Variants in TRPV2 observed in about 807,000 individuals in gnomAD.
The protein encoded by TRPV2 is transient receptor potential cation channel subfamily V member 2.
Under a neutral mutation model 91.0 loss-of-function variants are expected in TRPV2, and 58 were observed. That is an observed-to-expected ratio of 0.64 (90% confidence interval 0.52 to 0.79). TRPV2 has a LOEUF of 0.79. Among genes scored for constraint, TRPV2 ranks in the 30% least tolerant of loss-of-function variants. The probability of loss-of-function intolerance (pLI) is 0.00; values close to 1 mark genes in which losing one functional copy is unlikely to be tolerated. For synonymous variants in TRPV2, 417 were observed against 414.8 expected (o/e 1.01, Z -0.06); for missense variants, 807 against 969.6 (o/e 0.83, Z 2.23).
At position 16,430,487 on chromosome 17, in the gene TRPV2, C is replaced by CTTTTTTTTTTTTTTT. The variant is rs576176898; in HGVS notation, c.1588-1295_1588-1281dup. On this transcript the variant is annotated intron_variant, in intron 10 of 14. Coordinates refer to ENST00000338560, the MANE Select transcript of TRPV2 (RefSeq NM_016113.5). ...TGTAGCATGTGTCAGAAATGCCTTC[C>CTTTTTTTTTTTTTTT]TTTTTTTTTTTTTTTTGAGATGGAG... Among the ~76,000 whole-genome samples, 3 of 80,480 alleles carry CTTTTTTTTTTTTTTT rather than the reference C, an allele frequency of 3.7e-5. 1 individual carries two copies. 52.8% of individuals were successfully genotyped at this position (80,480 alleles called of 152,430 possible). A position where few individuals can be genotyped will look rare whatever the true frequency, so the allele number is the denominator to read the frequency against.
intron 3 of TRPV2, among the ~76,000 whole-genome samples, chr17:16,422,257 A>G (rs2093361245): frequency 6.7e-6 from 1 of 149,624 alleles, no homozygotes; most frequent in Non-Finnish European, 1.5e-5. Context: ...TGGGAGGCAG[A>G]GCTTGCAGTG....
chr17:16,427,670 C>T (rs1233818580), intron 8 of TRPV2, 123 bp downstream of exon 8: 8 of 899,454 alleles, frequency 8.9e-6, no homozygotes, highest in Admixed American at 2.9e-5. Flanking sequence ...CAACCAGCCT[C>T]ACTGAAGCTG....
chr17:16,418,104 T>C (rs2093340212), intron 2 of TRPV2, among the ~76,000 whole-genome samples: 1 of 152,220 alleles, frequency 6.6e-6, no homozygotes, highest in African/African-American at 2.4e-5. Context: ...GGTCATGTTC[T>C]TCATGAGATA....
chr17:16,418,183 A>T (rs895854345), intron 2 of TRPV2, among the ~76,000 whole-genome samples: 1 of 152,076 alleles, frequency 6.6e-6, no homozygotes, highest in East Asian at 1.9e-4. Context: ...CACCCCTGTC[A>T]TGGTCCCTGT....
intron 2 of TRPV2, 128 bp from the exon 3 acceptor site, chr17:16,419,987 C>G: frequency 7.3e-7 from 1 of 1,365,454 alleles, no homozygotes; most frequent in Middle Eastern, 2.7e-4. Flanking sequence ...AGGGCTCTCA[C>G]TGGGCTCCTG....
At chr17:16,425,022 A>ATTTTT (rs11329557) in intron 5 of TRPV2, among the ~76,000 whole-genome samples, 2 of 116,042 alleles carry the variant, frequency 1.7e-5, no homozygotes, top group African/African-American at 3.4e-5. Flanking sequence ...TTGCAGCTGC[A>ATTTTT]TTTTTTTTTT....
At chr17:16,431,282 TA>T (rs2093409916) in intron 10 of TRPV2, among the ~76,000 whole-genome samples, 2 of 55,738 alleles carry the variant, frequency 3.6e-5, no homozygotes, top group African/African-American at 1.3e-4. Context: ...TATATATATA[TA>T]TATACATATT....
chr17:16,432,334 C>G, intron 12 of TRPV2, 34 bp downstream of exon 12: 3 of 1,569,412 alleles, frequency 1.9e-6, no homozygotes, highest in Non-Finnish European at 2.6e-6. Context: ...CCCCACCCCA[C>G]CCCACACTCA....
Position 16,420,253 on chromosome 17 carries a change from A to T in TRPV2, c.334+5A>T, listed in dbSNP as rs2093350549. 2 of 1,608,174 alleles carry T rather than the reference A, an allele frequency of 1.2e-6. No individual in the cohort carries two copies. The highest frequency in any genetic ancestry group is 2.7e-5 in the African/African-American group (2 of 74,790). On this transcript the variant is annotated splice_donor_5th_base_variant and intron_variant, in intron 3 of 14. Coordinates refer to ENST00000338560, the MANE Select transcript of TRPV2 (RefSeq NM_016113.5). The stretch of plus-strand genomic sequence containing the variant: ...TCACCGACTCGGAATACACAGGTAG[A>T]CCCTGCCCTGTGGATCCAAGGCTAG...
chr17:16,421,403 A>G (rs2093356036), intron 3 of TRPV2, among the ~76,000 whole-genome samples: 1 of 150,918 alleles, frequency 6.6e-6, no homozygotes, highest in African/African-American at 2.4e-5. Context: ...TTTTTTTAGT[A>G]GAGACAGGGT....
rs150619451 is a variant in TRPV2, at chr17:16,436,866, G to A, written c.2272G>A (p.Val758Ile). Residue 758 changes from valine to isoleucine, a missense_variant, in exon 15 of 15, where the codon GTC becomes ATC. By Grantham distance (29) the Val-to-Ile change is conservative. Coordinates refer to ENST00000338560, the MANE Select transcript of TRPV2 (RefSeq NM_016113.5). ...TGCCTCTGAGGAAAACTATGTGCCCGTCCAGCTCCTCCAGTCCAACTGATG... is the reference window on the plus strand; with the variant it reads ...TGCCTCTGAGGAAAACTATGTGCCCATCCAGCTCCTCCAGTCCAACTGATG... Reference protein sequence around the residue: ...DGASEENYVPVQLLQSN With the variant: ...DGASEENYVPIQLLQSN 7.1e-5 allele frequency: 114 copies of A among 1,614,054 alleles called. No homozygotes were observed. In the African/African-American group the frequency reaches 1.3e-3, roughly 19 times the overall value.
Position 16,436,848 on chromosome 17 carries a change from G to C in TRPV2, c.2254G>C (p.Glu752Gln). The C allele has an allele frequency of 6.2e-7, 1 of 1,614,158 alleles. No homozygotes were observed. Among genetic ancestry groups the C allele is most frequent in the Non-Finnish European group, 8.5e-7 (1 of 1,180,004 alleles). The stretch of plus-strand genomic sequence containing the variant: ...CAAGGAGGATGAGGATGGTGCCTCT[G>C]AGGAAAACTATGTGCCCGTCCAGCT... The part of the protein sequence containing the change: ...PPKEDEDGAS[E>Q]ENYVPVQLLQ... Residue 752 changes from glutamate (E) to glutamine (Q), a missense_variant, in exon 15 of 15, where the codon GAG becomes CAG. Transcript: ENST00000338560.
At chr17:16,428,447 G>C in intron 9 of TRPV2, 60 bp downstream of exon 9, 1 of 1,567,088 alleles carries the variant, frequency 6.4e-7, no homozygotes, top group Non-Finnish European at 8.8e-7. Flanking sequence ...AGGGGCAGTT[G>C]TGGCAGAAGG....
At chr17:16,419,774 G>A (rs2093347687) in intron 2 of TRPV2, among the ~76,000 whole-genome samples, 1 of 152,210 alleles carries the variant, frequency 6.6e-6, no homozygotes, top group South Asian at 2.1e-4. Context: ...CACAAGTGGT[G>A]TGTGCTGAAG....
Position 16,431,766 on chromosome 17 carries a change from T to C in TRPV2, c.1588-18T>C, listed in dbSNP as rs747793637. 6.2e-6 allele frequency: 10 copies of C among 1,613,862 alleles called. No homozygotes were observed. The South Asian group carries it at 8.8e-5, about 14-fold the overall frequency. ...TGGCCCAGCTACCCACCCTGGCCCC[T>C]GGGCACATGTGTTCCAGGTCATCCT... On this transcript the variant is annotated intron_variant, in intron 10 of 14. Coordinates refer to ENST00000338560, the MANE Select transcript of TRPV2 (RefSeq NM_016113.5).
At position 16,426,186 on chromosome 17, in the gene TRPV2, G is replaced by C; in HGVS notation, c.1012G>C (p.Val338Leu). Residue 338 changes from valine (V) to leucine (L), a missense_variant, in exon 6 of 15, where the codon GTG becomes CTG. Val to Leu is a conservative substitution (Grantham distance 32). Transcript: ENST00000338560. The surrounding 1 kb of genome is among the most constrained non-coding windows in gnomAD (Gnocchi z 6.0). ...FTEWCYGPVR[V>L]SLYDLASVDS... ...CGAGTGGTGCTATGGGCCTGTCCGG[G>C]TGTCGCTGTATGACCTGGCTTCTGT... 1.2e-6 allele frequency: 2 copies of C among 1,614,224 alleles called. No individual in the cohort carries two copies. Among genetic ancestry groups the C allele is most frequent in the Non-Finnish European group, 1.7e-6 (2 of 1,180,040 alleles).
chr17:16,424,324 AT>A (rs1169925709), intron 5 of TRPV2, among the ~76,000 whole-genome samples: 5 of 149,490 alleles, frequency 3.3e-5, no homozygotes, highest in East Asian at 2.0e-4. Context: ...TGCCTGGCTA[AT>A]TTTTTTTTTG....
chr17:16,433,350 T>G lies in TRPV2; in HGVS notation c.1990-224T>G, dbSNP rs185095855. 2.5e-4 allele frequency: 135 copies of G among 532,414 alleles called. No homozygotes were observed. In the East Asian group the frequency reaches 4.4e-3, roughly 17 times the overall value. 33.0% of individuals were successfully genotyped at this position (532,414 alleles called of 1,614,324 possible). ...CTTCCCATCAGCTGTCTGAGGCACT[T>G]TGTCCTCAGTCTACAAATGGGGAAA... On this transcript the variant is annotated intron_variant, in intron 12 of 14. Coordinates refer to ENST00000338560, the MANE Select transcript of TRPV2 (RefSeq NM_016113.5).
Position 16,431,277 on chromosome 17 carries a change from A to ATATATATATG in TRPV2, c.1588-498_1588-497insGTATATATAT, listed in dbSNP as rs1555883012. ...GAGACATATATATATATATATATAT[A>ATATATATATG]TATATATATACATATTTTTTTTTTT... On this transcript the variant is annotated intron_variant, in intron 10 of 14. Coordinates refer to ENST00000338560, the MANE Select transcript of TRPV2 (RefSeq NM_016113.5). Among the ~76,000 whole-genome samples, 34 of 75,736 alleles carry ATATATATATG rather than the reference A, an allele frequency of 4.5e-4. 2 individuals carry two copies. The highest frequency in any genetic ancestry group is 2.0e-3 in the African/African-American group (34 of 17,014). 49.7% of individuals were successfully genotyped at this position (75,736 alleles called of 152,430 possible).
Sources: allele counts gnomAD v4.1 joint callset (sites outside exome capture counted in the v4.1 genomes callset), GRCh38; gene constraint gnomAD v4.1.1; non-coding constraint Gnocchi (gnomAD v3.1); transcripts MANE v1.5; gene names NCBI Gene and HGNC (gene_info 2026-07-23, HGNC 2026-07-21).